LGSN: variants seen among roughly 807,000 people sequenced by gnomAD.
The protein encoded by LGSN is lengsin, lens protein with glutamine synthetase domain.
LGSN carries 21 observed loss-of-function variants against 19.5 expected under a neutral mutation model. That is an observed-to-expected ratio of 1.07 (90% CI 0.76 to 1.55). The LOEUF (loss-of-function observed/expected upper bound fraction) is 1.55. Ranked by LOEUF, LGSN falls within the 40% of genes most tolerant of loss-of-function variation. The pLI, the probability that LGSN is intolerant of heterozygous loss-of-function variation, is 0.00. For missense variants in LGSN, 673 were observed against 608.5 expected (o/e 1.11, Z -1.12); for synonymous variants, 257 against 215.6 (o/e 1.19, Z -1.68).
chr6:63,443,985 T>C, the LGSN span, among the ~76,000 whole-genome samples: 16 of 151,982 alleles, frequency 1.1e-4, no homozygotes, highest in Admixed American at 1.0e-3. Context: ...TCTAACTATT[T>C]TGAAGGAATC....
the LGSN span, among the ~76,000 whole-genome samples, chr6:63,329,041 C>T: frequency 8.4e-4 from 128 of 152,322 alleles, no homozygotes; most frequent in African/African-American, 1.9e-3. Flanking sequence ...GCTGGGCCTT[C>T]GACCTAGACA....
the LGSN span, among the ~76,000 whole-genome samples, chr6:63,331,368 T>C: frequency 6.6e-6 from 1 of 152,184 alleles, no homozygotes; most frequent in Non-Finnish European, 1.5e-5. Context: ...CAGGTAGCCA[T>C]TTTTCCTTAT....
the LGSN span, chr6:63,572,781 G>C: frequency 2.5e-6 from 1 of 398,258 alleles, no homozygotes; most frequent in Non-Finnish European, 4.4e-6. Flanking sequence ...CCCCATCCCC[G>C]CTGTCGCCTT....
the LGSN span, among the ~76,000 whole-genome samples, chr6:63,423,427 A>G: frequency 6.6e-6 from 1 of 151,994 alleles, no homozygotes; most frequent in African/African-American, 2.4e-5. Context: ...TCATGAGTCC[A>G]GGAGTTCAAG....
chr6:63,405,051 T>C, the LGSN span, among the ~76,000 whole-genome samples: 10 of 146,990 alleles, frequency 6.8e-5, no homozygotes, highest in South Asian at 1.3e-3. Context: ...TGAGAATATG[T>C]GGTGTTTGGT....
the LGSN span, among the ~76,000 whole-genome samples, chr6:63,542,392 C>G: frequency 1.3e-5 from 2 of 151,806 alleles, no homozygotes; most frequent in African/African-American, 4.8e-5. Flanking sequence ...CTCATGTAAC[C>G]AAACACCACC....
the LGSN span, among the ~76,000 whole-genome samples, chr6:63,506,191 T>C: frequency 1.3e-5 from 2 of 152,192 alleles, no homozygotes; most frequent in Non-Finnish European, 2.9e-5. Context: ...AAAATTTTGA[T>C]TACATATTGA....
chr6:63,563,836 G>A, the LGSN span, among the ~76,000 whole-genome samples: 1 of 152,150 alleles, frequency 6.6e-6, no homozygotes, highest in Non-Finnish European at 1.5e-5. Flanking sequence ...GAGAGACTAA[G>A]AACCCTGCAA....
At chr6:63,475,530 A>G in the LGSN span, among the ~76,000 whole-genome samples, 1 of 152,160 alleles carries the variant, frequency 6.6e-6, no homozygotes, top group Non-Finnish European at 1.5e-5. Context: ...CATTTATACA[A>G]TTGAATATTT....
chr6:63,283,890 G>C (rs1423054885), intron 3 of LGSN, among the ~76,000 whole-genome samples: 1 of 151,878 alleles, frequency 6.6e-6, no homozygotes, highest in Non-Finnish European at 1.5e-5. Flanking sequence ...AGTAGAGATG[G>C]GGTTTCACCA....
the LGSN span, among the ~76,000 whole-genome samples, chr6:63,329,236 T>C: frequency 2.0e-3 from 299 of 152,252 alleles, 1 homozygote; most frequent in African/African-American, 5.6e-3. Flanking sequence ...CCCTAAACCC[T>C]TGGGGCAAGA....
the LGSN span, among the ~76,000 whole-genome samples, chr6:63,552,616 A>G: frequency 2.6e-5 from 4 of 152,198 alleles, no homozygotes; most frequent in Non-Finnish European, 4.4e-5. Flanking sequence ...GCCCATGCCT[A>G]TGTCCTGAAT....
the LGSN span, among the ~76,000 whole-genome samples, chr6:63,569,158 T>C: frequency 6.6e-6 from 1 of 152,258 alleles, no homozygotes; most frequent in Non-Finnish European, 1.5e-5. Flanking sequence ...AGATCTGCTG[T>C]TCTTGTGAAG....
upstream of LGSN, among the ~76,000 whole-genome samples, chr6:63,321,085 C>T (rs151048960): frequency 2.6e-5 from 4 of 152,262 alleles, no homozygotes; most frequent in East Asian, 7.7e-4. Context: ...ACTCTTGAAC[C>T]TCCCCAAGAA....
the LGSN span, among the ~76,000 whole-genome samples, chr6:63,403,711 C>G: frequency 1.3e-5 from 2 of 152,116 alleles, no homozygotes; most frequent in Admixed American, 1.3e-4. Context: ...TCTACAATAA[C>G]CTTTACTATT....
At chr6:63,388,090 G>C in the LGSN span, among the ~76,000 whole-genome samples, 1 of 151,096 alleles carries the variant, frequency 6.6e-6, no homozygotes, top group Admixed American at 6.6e-5. Flanking sequence ...TAGGCAGGCT[G>C]GTCTCGAACT....
chr6:63,318,249 A>G (rs1377298115), intron 1 of LGSN, among the ~76,000 whole-genome samples: 1 of 152,216 alleles, frequency 6.6e-6, no homozygotes, highest in Non-Finnish European at 1.5e-5. Flanking sequence ...GATTTTCTCC[A>G]TATACACAAT....
chr6:63,424,508 G>GACACAC, the LGSN span, among the ~76,000 whole-genome samples: 142 of 146,692 alleles, frequency 9.7e-4, no homozygotes, highest in African/African-American at 3.2e-3. Context: ...ACCAAAACCA[G>GACACAC]ACACACACAC....
At chr6:63,386,952 T>C in the LGSN span, among the ~76,000 whole-genome samples, 1 of 151,874 alleles carries the variant, frequency 6.6e-6, no homozygotes, top group Non-Finnish European at 1.5e-5. Flanking sequence ...AATACAAAAA[T>C]CAGCCAGACA....
Sources: gnomAD v4.1 joint callset for allele counts (sites outside exome capture counted in the v4.1 genomes callset) on GRCh38, gnomAD v4.1.1 for gene constraint, MANE v1.5 for transcripts, NCBI Gene and HGNC (gene_info 2026-07-23, HGNC 2026-07-21) for gene names.